Variants in EML1 observed in about 807,000 individuals in gnomAD.
The protein encoded by EML1 is echinoderm microtubule-associated protein-like 1.
EML1 carries 27 observed loss-of-function variants against 110.4 expected under a neutral mutation model. The ratio of observed to expected loss-of-function variants is 0.24; its 90% CI spans 0.18 to 0.34. The LOEUF (loss-of-function observed/expected upper bound fraction) is 0.34, where lower values mean the gene tolerates loss of function less well. Among genes scored for constraint, EML1 ranks in the 10% least tolerant of loss-of-function variants. The pLI, the probability that EML1 is intolerant of heterozygous loss-of-function variation, is 1.00. For synonymous variants in EML1, 344 were observed against 385.8 expected, an observed-to-expected ratio of 0.89 and a Z score of 1.27; for missense variants, 741 against 1,030.9, an observed-to-expected ratio of 0.72 and a Z score of 3.85.
At chr14:99,799,379 G>A (rs959391782) in intron 1 of EML1, among the ~76,000 whole-genome samples, 5 of 152,052 alleles carry the variant, frequency 3.3e-5, no homozygotes, top group African/African-American at 1.2e-4. Context: ...TTGACACCTC[G>A]ATGGTTATAA....
chr14:99,832,141 C>T (rs1004644994), intron 1 of EML1, among the ~76,000 whole-genome samples: 3 of 152,148 alleles, frequency 2.0e-5, no homozygotes, highest in African/African-American at 7.2e-5. Flanking sequence ...AGAATGTACT[C>T]TATTTTCTGG....
In EML1 at chr14:99,936,583, C is replaced by T. The variant is rs2060475545; in HGVS notation, c.2095+249C>T. 6.6e-6 allele frequency among the ~76,000 whole-genome samples: 1 copy of T among 152,130 alleles called. No homozygotes were observed. The highest frequency in any genetic ancestry group is 2.4e-5 in the African/African-American group (1 of 41,444). ...AGGGCCTGCCCCAAGGGGAAGAAGG[C>T]CAAGCCCTGCAGAGGGGGGCTTGGG... On this transcript the variant is annotated intron_variant, in intron 19 of 21. Coordinates refer to ENST00000262233, the MANE Select transcript of EML1 (RefSeq NM_004434.3). This position sits in a 1 kb window ranked among gnomAD's most constrained non-coding sequence, Gnocchi z 5.5.
At chr14:99,852,816 G>A (rs748558788) in intron 2 of EML1, among the ~76,000 whole-genome samples, 18 of 152,090 alleles carry the variant, frequency 1.2e-4, no homozygotes, top group Non-Finnish European at 2.5e-4. Flanking sequence ...CACCAGCTTC[G>A]TGTGAGATGG....
chr14:99,792,854 C>T, upstream of EML1: 1 of 152,432 alleles, frequency 6.6e-6, no homozygotes, highest in Non-Finnish European at 1.5e-5. Flanking sequence ...GAGGAACGCG[C>T]CGGTCGGATG....
At chr14:99,812,055 A>T (rs1489455392) in intron 1 of EML1, among the ~76,000 whole-genome samples, 1 of 151,826 alleles carries the variant, frequency 6.6e-6, no homozygotes, top group East Asian at 1.9e-4. Flanking sequence ...AGTGTTCAAG[A>T]GTCACCCGTA....
intron 1 of EML1, among the ~76,000 whole-genome samples, chr14:99,782,423 G>A (rs1327157194): frequency 2.0e-5 from 3 of 152,142 alleles, no homozygotes; most frequent in African/African-American, 7.2e-5. Context: ...TGTGACCTGC[G>A]GCGTGTTTGC....
intron 1 of EML1, among the ~76,000 whole-genome samples, chr14:99,762,352 CT>C (rs143093028): frequency 0.13 from 20,414 of 152,164 alleles, 1,647 homozygotes; most frequent in South Asian, 0.25. Flanking sequence ...AACCAGCCCC[CT>C]GAACAAGAAA....
chr14:99,881,101 G>A (rs1022055591), intron 4 of EML1, among the ~76,000 whole-genome samples: 2 of 152,204 alleles, frequency 1.3e-5, no homozygotes, highest in Admixed American at 6.5e-5. Context: ...GGCATCGGGC[G>A]GGAGCTGGTC....
At chr14:99,754,524 T>C (rs1350331039) in intron 1 of EML1, among the ~76,000 whole-genome samples, 1 of 152,172 alleles carries the variant, frequency 6.6e-6, no homozygotes, top group Admixed American at 6.5e-5. Context: ...CAGGACCCAC[T>C]TTGGTGGTCT....
Position 99,847,357 on chromosome 14 carries a change from T to C in EML1, c.68-3496T>C, listed in dbSNP as rs142742663. On this transcript the variant is annotated intron_variant, in intron 1 of 21. Coordinates refer to ENST00000262233, the MANE Select transcript of EML1 (RefSeq NM_004434.3). ...ATTCTATGTCTGTACTGGTTTTTTG[T>C]TTGTTTGTTTTAAGATAGAATTTCA... is the stretch of plus-strand genomic sequence containing the variant. 3.7e-3 allele frequency among the ~76,000 whole-genome samples: 563 copies of C among 152,268 alleles called. 3 individuals carry two copies. The highest frequency in any genetic ancestry group is 0.013 in the African/African-American group (544 of 41,548).
chr14:99,770,945 C>T (rs2040526078), upstream of EML1, among the ~76,000 whole-genome samples: 1 of 151,954 alleles, frequency 6.6e-6, no homozygotes, highest in African/African-American at 2.4e-5. Flanking sequence ...CCACTACGCC[C>T]AGCTAATTTT....
intron 1 of EML1, among the ~76,000 whole-genome samples, chr14:99,746,576 G>A (rs2057110989): frequency 6.6e-6 from 1 of 152,114 alleles, no homozygotes; most frequent in Admixed American, 6.5e-5. Flanking sequence ...CTCAGGAGGT[G>A]CCGCCTAAGC....
At chr14:99,752,096 G>A (rs748741440) in intron 1 of EML1, among the ~76,000 whole-genome samples, 13 of 152,184 alleles carry the variant, frequency 8.5e-5, no homozygotes, top group South Asian at 4.2e-4. Context: ...ACCGTTAATC[G>A]CCCCACCGCG....
At position 99,939,549 on chromosome 14, in the gene EML1, C is replaced by T. The variant is rs568213883; in HGVS notation, c.2322+222C>T. Among the ~76,000 whole-genome samples, 1 of 152,256 alleles carries T rather than the reference C, an allele frequency of 6.6e-6. No homozygotes were observed. The highest frequency in any genetic ancestry group is 6.5e-5 in the Admixed American group (1 of 15,296). ...GTTCAGAGCTGCTCATCCACCTCTG[C>T]AGCCCCACAGGCTCACGACCCCGCC... is the stretch of plus-strand genomic sequence containing the variant. On this transcript the variant is annotated intron_variant, in intron 21 of 21. Transcript: ENST00000262233. This position sits in a 1 kb window ranked among gnomAD's most constrained non-coding sequence, Gnocchi z 4.2.
intron 1 of EML1, among the ~76,000 whole-genome samples, chr14:99,746,464 A>G (rs1458646704): frequency 6.6e-6 from 1 of 152,194 alleles, no homozygotes; most frequent in African/African-American, 2.4e-5. Flanking sequence ...CACTAGCTTC[A>G]GGCAAGCCCT....
intron 5 of EML1, among the ~76,000 whole-genome samples, chr14:99,892,581 C>T (rs1256841731): frequency 6.6e-6 from 1 of 152,160 alleles, no homozygotes; most frequent in African/African-American, 2.4e-5. Flanking sequence ...CTGGAACAAA[C>T]ACTGCTTTCC....
At chr14:99,880,900 T>C (rs1418720689) in intron 4 of EML1, among the ~76,000 whole-genome samples, 4 of 152,210 alleles carry the variant, frequency 2.6e-5, no homozygotes, top group Admixed American at 6.5e-5. Flanking sequence ...TGATAGTTCT[T>C]ATAAAGACAG....
rs776178256 is a variant in EML1, at chr14:99,940,120, C to T, written c.*8C>T. 19 of 1,559,854 alleles carry T rather than the reference C, an allele frequency of 1.2e-5. No homozygotes were observed. The highest frequency in any genetic ancestry group is 2.0e-5 in the Admixed American group (1 of 50,458). ...CAGTGGCGCGTCATTTAGTACCCAC[C>T]GAGAGCTGTGGGGAGCAGCATGGGC... On this transcript the variant is annotated 3_prime_UTR_variant, in exon 22 of 22. Transcript: ENST00000262233.
intron 10 of EML1, among the ~76,000 whole-genome samples, chr14:99,908,069 G>A (rs895383923): frequency 6.6e-6 from 1 of 152,212 alleles, no homozygotes; most frequent in East Asian, 1.9e-4. Flanking sequence ...CGCACGGCAC[G>A]TGGAGGCCCG....
Sources: allele counts gnomAD v4.1 joint callset (sites outside exome capture counted in the v4.1 genomes callset), GRCh38; gene constraint gnomAD v4.1.1; non-coding constraint Gnocchi (gnomAD v3.1); transcripts MANE v1.5; gene names NCBI Gene and HGNC (gene_info 2026-07-23, HGNC 2026-07-21).